The following INTS8 variants were observed in gnomAD, a reference collection of about 807,000 sequenced individuals.
INTS8 encodes integrator complex subunit 8.
INTS8 carries 47 observed loss-of-function variants against 138.9 expected under a neutral mutation model. The ratio of observed to expected loss-of-function variants is 0.34; its 90% CI spans 0.27 to 0.43. The LOEUF is 0.43. Ranked by LOEUF, INTS8 falls within the 20% of genes least tolerant of loss-of-function variation. The pLI is 1.00. For missense variants in INTS8, 996 were observed against 1,173.0 expected (o/e 0.85, Z 2.20); for synonymous variants, 392 against 400.9 (o/e 0.98, Z 0.27).
intron 14 of INTS8, among the ~76,000 whole-genome samples, chr8:94,854,876 C>T (rs1815687284): frequency 6.6e-6 from 1 of 151,694 alleles, no homozygotes; most frequent in Non-Finnish European, 1.5e-5. Context: ...GAACCACAGG[C>T]ATGTGCCACC....
chr8:94,863,610 G>A (rs1816073462), intron 16 of INTS8, among the ~76,000 whole-genome samples: 1 of 152,208 alleles, frequency 6.6e-6, no homozygotes. Flanking sequence ...TAATTTTTAT[G>A]TTGTGCTTTC....
chr8:94,833,295 T>C (rs1814795626), intron 6 of INTS8, among the ~76,000 whole-genome samples: 1 of 152,130 alleles, frequency 6.6e-6, no homozygotes, highest in African/African-American at 2.4e-5. Flanking sequence ...TAATCATTTA[T>C]TCAAGGCCTG....
intron 10 of INTS8, among the ~76,000 whole-genome samples, chr8:94,846,999 G>T (rs1383111069): frequency 1.3e-5 from 2 of 152,082 alleles, no homozygotes; most frequent in South Asian, 2.1e-4. Context: ...AATATATGAA[G>T]ATTTTTTTTC....
intron 5 of INTS8, among the ~76,000 whole-genome samples, chr8:94,830,659 G>A (rs948000715): frequency 5.3e-5 from 8 of 152,192 alleles, no homozygotes; most frequent in African/African-American, 1.7e-4. Context: ...CACCACACTA[G>A]ACTAATTTTT....
intron 13 of INTS8, among the ~76,000 whole-genome samples, chr8:94,851,933 C>T (rs970959704): frequency 1.3e-5 from 2 of 152,076 alleles, no homozygotes; most frequent in African/African-American, 4.8e-5. Flanking sequence ...ACAAAATATA[C>T]GCATTTTATT....
intron 4 of INTS8, among the ~76,000 whole-genome samples, chr8:94,828,753 G>T (rs1814604311): frequency 6.6e-6 from 1 of 152,116 alleles, no homozygotes; most frequent in South Asian, 2.1e-4. Context: ...GTGACAGGGT[G>T]TCTCAAAAAC....
chr8:94,862,869 A>G (rs1031650111), intron 16 of INTS8, among the ~76,000 whole-genome samples: 5 of 151,778 alleles, frequency 3.3e-5, no homozygotes, highest in Admixed American at 1.3e-4. Context: ...ACACACACGC[A>G]CACACGTGTA....
chr8:94,828,763 CAAAA>C (rs1185515483), intron 4 of INTS8, among the ~76,000 whole-genome samples: 1 of 151,910 alleles, frequency 6.6e-6, no homozygotes, highest in Non-Finnish European at 1.5e-5. Flanking sequence ...GTCTCAAAAA[CAAAA>C]AACCCAAACA....
At chr8:94,868,905 C>T (rs751029838) in intron 20 of INTS8, 1 of 151,622 alleles carries the variant, frequency 6.6e-6, no homozygotes, top group Non-Finnish European at 1.5e-5. Flanking sequence ...CCCCTAGCCT[C>T]TAGAGATCTG....
At position 94,880,781 on chromosome 8, in the gene INTS8, T is replaced by C. The variant is rs1816778926; in HGVS notation, c.*547T>C. ...CACTAAATTAAAAAAAAAAATTCCT[T>C]AGGGATATCTTAGAGTAGTAAAGTG... is the stretch of plus-strand genomic sequence containing the variant. On this transcript the variant is annotated 3_prime_UTR_variant, in exon 27 of 27. Coordinates refer to ENST00000523731, the MANE Select transcript of INTS8 (RefSeq NM_017864.4). 1 of 398,292 alleles carries C rather than the reference T, an allele frequency of 2.5e-6. No homozygotes were observed. The highest frequency in any genetic ancestry group is 2.1e-5 in the African/African-American group (1 of 48,712). The allele number at this position is 398,292 out of a possible 1,614,324, so 24.7% of individuals were successfully genotyped here.
At chr8:94,875,233 A>G (rs1329171932) in intron 23 of INTS8, among the ~76,000 whole-genome samples, 1 of 152,224 alleles carries the variant, frequency 6.6e-6, no homozygotes, top group African/African-American at 2.4e-5. Flanking sequence ...ATGCCCATCA[A>G]ATGATGAATG....
Position 94,827,796 on chromosome 8 carries a change from A to G in INTS8, c.518+3A>G. 2 of 1,612,224 alleles carry G rather than the reference A, an allele frequency of 1.2e-6. No homozygotes were observed. Among genetic ancestry groups the G allele is most frequent in the South Asian group, 2.2e-5 (2 of 90,950 alleles). On this transcript the variant is annotated splice_donor_region_variant and intron_variant, in intron 4 of 26. Coordinates refer to ENST00000523731, the MANE Select transcript of INTS8 (RefSeq NM_017864.4). Reference sequence around the variant, plus strand: ...CCCGGACCCCCTCAGTTAAGTGTGTAAGTTGGTGGCTATGACCTTTACTTG... The same window carrying G: ...CCCGGACCCCCTCAGTTAAGTGTGTGAGTTGGTGGCTATGACCTTTACTTG...
intron 16 of INTS8, among the ~76,000 whole-genome samples, chr8:94,862,296 T>C (rs1050682412): frequency 6.6e-6 from 1 of 152,200 alleles, no homozygotes; most frequent in Non-Finnish European, 1.5e-5. Flanking sequence ...CTTAATATAT[T>C]GGGCACTTGT....
chr8:94,858,108 G>A (rs947099253), intron 15 of INTS8, among the ~76,000 whole-genome samples: 3 of 152,128 alleles, frequency 2.0e-5, no homozygotes, highest in Non-Finnish European at 4.4e-5. Flanking sequence ...GATCATCTAC[G>A]ACACATAAAT....
At chr8:94,874,205 C>T (rs1816498459) in intron 22 of INTS8, among the ~76,000 whole-genome samples, 1 of 150,698 alleles carries the variant, frequency 6.6e-6, no homozygotes, top group South Asian at 2.1e-4. Context: ...CTACTTCTTC[C>T]CATTTCCTCC....
At chr8:94,850,839 C>G (rs1234541749) in intron 12 of INTS8, among the ~76,000 whole-genome samples, 1 of 150,984 alleles carries the variant, frequency 6.6e-6, no homozygotes, top group African/African-American at 2.4e-5. Flanking sequence ...ATTTTTTTTT[C>G]CATTTTTGCC....
intron 5 of INTS8, among the ~76,000 whole-genome samples, chr8:94,830,348 C>A (rs896874044): frequency 6.6e-6 from 1 of 152,140 alleles, no homozygotes; most frequent in Non-Finnish European, 1.5e-5. Context: ...AGGTAAGAAA[C>A]GATCTGTATC....
At chr8:94,862,743 TAATGTC>T (rs1389030168) in intron 16 of INTS8, among the ~76,000 whole-genome samples, 1 of 152,112 alleles carries the variant, frequency 6.6e-6, no homozygotes, top group Non-Finnish European at 1.5e-5. Context: ...ACTGCCTTGT[TAATGTC>T]AAGGAAAAAG....
chr8:94,824,238 A>C (rs1345553702), intron 1 of INTS8, among the ~76,000 whole-genome samples: 1 of 152,224 alleles, frequency 6.6e-6, no homozygotes, highest in Non-Finnish European at 1.5e-5. Flanking sequence ...GCATTTCTCT[A>C]AATTCAAATC....
Sources: gnomAD v4.1 joint callset for allele counts (sites outside exome capture counted in the v4.1 genomes callset) on GRCh38, gnomAD v4.1.1 for gene constraint, MANE v1.5 for transcripts, NCBI Gene and HGNC (gene_info 2026-07-23, HGNC 2026-07-21) for gene names.